The following GRM5 variants were observed in gnomAD, a reference collection of about 807,000 sequenced individuals.
GRM5 encodes glutamate metabotropic receptor 5, also known as metabotropic glutamate receptor 5.
GRM5 carries 19 observed loss-of-function variants against 83.1 expected under a neutral mutation model. The ratio of observed to expected loss-of-function variants is 0.23; its 90% confidence interval spans 0.16 to 0.34. The LOEUF is 0.34. Ranked by LOEUF, GRM5 falls within the 10% of genes least tolerant of loss-of-function variation. GRM5 has a pLI of 1.00. For synonymous variants in GRM5, 675 were observed against 633.6 expected (o/e 1.07, Z -0.98); for missense variants, 1,160 against 1,588.3 (o/e 0.73, Z 4.58).
At chr11:88,982,242 T>C (rs1939549083) in intron 2 of GRM5, among the ~76,000 whole-genome samples, 1 of 152,212 alleles carries the variant, frequency 6.6e-6, no homozygotes, top group South Asian at 2.1e-4. Context: ...ACATTCAATG[T>C]CACTGCAATA....
At chr11:88,882,083 T>C (rs1590935330) in intron 2 of GRM5, among the ~76,000 whole-genome samples, 1 of 151,446 alleles carries the variant, frequency 6.6e-6, no homozygotes, top group Non-Finnish European at 1.5e-5. Context: ...CTCTACTAAA[T>C]ATACACAATT....
intron 9 of GRM5, among the ~76,000 whole-genome samples, chr11:88,519,032 C>T (rs1941604516): frequency 6.8e-6 from 1 of 147,192 alleles, no homozygotes; most frequent in East Asian, 2.0e-4. Flanking sequence ...AGATAATATG[C>T]AATATCGGAT....
chr11:88,709,720 G>A lies in GRM5; in HGVS notation c.912-56317C>T, dbSNP rs549317109. 1.4e-4 allele frequency among the ~76,000 whole-genome samples: 22 copies of A among 152,164 alleles called. 1 individual carries two copies. The highest frequency in any genetic ancestry group is 6.8e-3 in the Middle Eastern group (2 of 294). ...AGGCTGTATTTCCATCACCATTTCC[G>A]GGCAAGCTTGTGCTTCTGGCATCAT... is the stretch of plus-strand genomic sequence containing the variant. On this transcript the variant is annotated intron_variant, in intron 3 of 9. Coordinates refer to ENST00000305447, the MANE Select transcript of GRM5 (RefSeq NM_001143831.3).
intron 3 of GRM5, among the ~76,000 whole-genome samples, chr11:88,653,878 A>C (rs561238343): frequency 6.6e-6 from 1 of 152,168 alleles, no homozygotes; most frequent in African/African-American, 2.4e-5. Flanking sequence ...CTGTGACACA[A>C]CATTTTTGAT....
intron 3 of GRM5, among the ~76,000 whole-genome samples, chr11:88,837,805 C>G (rs1944118288): frequency 6.6e-6 from 1 of 152,130 alleles, no homozygotes. Flanking sequence ...GTTACGTCGG[C>G]CGGGCGCGGT....
At chr11:88,569,542 G>A (rs1942941638) in intron 7 of GRM5, among the ~76,000 whole-genome samples, 3 of 152,204 alleles carry the variant, frequency 2.0e-5, no homozygotes, top group Admixed American at 1.3e-4. Context: ...ATTCCTGAAA[G>A]GAAAATGACT....
chr11:88,660,016 A>G (rs1358911562), intron 3 of GRM5, among the ~76,000 whole-genome samples: 4 of 152,194 alleles, frequency 2.6e-5, no homozygotes, highest in African/African-American at 4.8e-5. Flanking sequence ...ATTCATTTCA[A>G]TTTATTAATT....
At chr11:89,044,675 G>T (rs1337158835) in intron 2 of GRM5, among the ~76,000 whole-genome samples, 1 of 151,972 alleles carries the variant, frequency 6.6e-6, no homozygotes, top group Non-Finnish European at 1.5e-5. Flanking sequence ...AATATTGATG[G>T]AACAAAGGAG....
intron 8 of GRM5, among the ~76,000 whole-genome samples, chr11:88,532,963 C>A (rs1942048133): frequency 1.3e-5 from 2 of 152,136 alleles, no homozygotes; most frequent in South Asian, 4.1e-4. Context: ...CCCAAGCCAC[C>A]AATACCTGTT....
chr11:88,554,602 CT>C (rs1252461938), intron 8 of GRM5, among the ~76,000 whole-genome samples: 9 of 152,282 alleles, frequency 5.9e-5, no homozygotes, highest in African/African-American at 2.2e-4. Context: ...TACTAGCCAA[CT>C]TATATCCCAA....
rs1286507292 is a variant in GRM5, at chr11:88,865,678, A to G, written c.662-15523T>C. 2.6e-5 allele frequency among the ~76,000 whole-genome samples: 4 copies of G among 151,924 alleles called. No individual in the cohort carries two copies. In the East Asian group the frequency reaches 7.7e-4, roughly 29 times the overall value. On this transcript the variant is annotated intron_variant, in intron 2 of 9. Transcript: ENST00000305447. Reference sequence around the variant, plus strand: ...TCTATCCATCTGACAAAGGACTAATATCGAGAATCTACAAGGAACTTAAAC... The same window carrying G: ...TCTATCCATCTGACAAAGGACTAATGTCGAGAATCTACAAGGAACTTAAAC...
intron 3 of GRM5, among the ~76,000 whole-genome samples, chr11:88,840,055 G>A (rs1944168840): frequency 6.6e-6 from 1 of 152,176 alleles, no homozygotes; most frequent in Non-Finnish European, 1.5e-5. Context: ...TTTCAGGGGT[G>A]GCAGTGGTGG....
At chr11:89,050,953 G>A (rs1178858317) in intron 1 of GRM5, among the ~76,000 whole-genome samples, 1 of 152,086 alleles carries the variant, frequency 6.6e-6, no homozygotes, top group Non-Finnish European at 1.5e-5. Context: ...GGGGCCTGCT[G>A]GAGGGTGGGA....
At chr11:88,790,324 G>A (rs1943149905) in intron 3 of GRM5, among the ~76,000 whole-genome samples, 1 of 152,118 alleles carries the variant, frequency 6.6e-6, no homozygotes, top group Admixed American at 6.5e-5. Context: ...CAATCTCTGT[G>A]TTTGTTTTTC....
intron 3 of GRM5, among the ~76,000 whole-genome samples, chr11:88,691,164 A>G (rs1940773240): frequency 6.6e-6 from 1 of 152,218 alleles, no homozygotes. Flanking sequence ...AAGGTGGTGT[A>G]GGAAAGGATA....
chr11:88,920,129 TA>T (rs1945663118), intron 2 of GRM5, among the ~76,000 whole-genome samples: 1 of 151,664 alleles, frequency 6.6e-6, no homozygotes, highest in Non-Finnish European at 1.5e-5. Flanking sequence ...TCTGAAAGGA[TA>T]AAAAAATCAA....
chr11:88,709,686 A>G lies in GRM5; in HGVS notation c.912-56283T>C, dbSNP rs1469009709. ...GGGCTGTTTGCCTGGACTCACCCTA[A>G]GTCAACAGAGGCTGTATTTCCATCA... is the stretch of plus-strand genomic sequence containing the variant. On this transcript the variant is annotated intron_variant, in intron 3 of 9. Transcript: ENST00000305447. Among the ~76,000 whole-genome samples, 3 of 152,224 alleles carry G rather than the reference A, an allele frequency of 2.0e-5. No homozygotes were observed. The East Asian group carries it at 5.8e-4, about 30-fold the overall frequency.
At chr11:88,990,083 T>C (rs1231988339) in intron 2 of GRM5, among the ~76,000 whole-genome samples, 1 of 150,226 alleles carries the variant, frequency 6.7e-6, no homozygotes, top group Non-Finnish European at 1.5e-5. Context: ...GCTGGTTTTT[T>C]GAAAGGATCA....
At chr11:88,919,075 A>G (rs11021673) in intron 2 of GRM5, among the ~76,000 whole-genome samples, 4,401 of 149,932 alleles carry the variant, frequency 0.029, 213 homozygotes, top group African/African-American at 0.1. Flanking sequence ...TAATAGGCTA[A>G]ACACTCCAAT....
Sources: allele counts gnomAD v4.1 joint callset (sites outside exome capture counted in the v4.1 genomes callset), GRCh38; gene constraint gnomAD v4.1.1; transcripts MANE v1.5; gene names NCBI Gene and HGNC (gene_info 2026-07-23, HGNC 2026-07-21).